SMUG1: variants seen among roughly 807,000 people sequenced by gnomAD.
SMUG1 encodes the protein single-strand-selective monofunctional uracil-DNA glycosylase 1, also known as single-strand selective monofunctional uracil DNA glycosylase.
A neutral mutation model predicts 23.9 loss-of-function variants in SMUG1; 13 were observed. The ratio of observed to expected loss-of-function variants is 0.54; its 90% CI spans 0.35 to 0.86. The LOEUF (loss-of-function observed/expected upper bound fraction) is 0.86. Among genes scored for constraint, SMUG1 ranks in the 40% least tolerant of loss-of-function variants. The probability of loss-of-function intolerance (pLI) is 0.01; values close to 1 mark genes in which losing one functional copy is unlikely to be tolerated. For synonymous variants in SMUG1, 133 were observed against 139.8 expected (o/e 0.95, Z 0.34); for missense variants, 313 against 339.5 (o/e 0.92, Z 0.61).
intron 2 of SMUG1, 21 bp from the exon 3 acceptor site, chr12:54,183,980 A>G: frequency 6.8e-7 from 1 of 1,465,260 alleles, no homozygotes; most frequent in Non-Finnish European, 9.0e-7. Flanking sequence ...AGATGGACAG[A>G]AGCCCCATCA....
chr12:54,178,503 T>C (rs1015411083), downstream of SMUG1, among the ~76,000 whole-genome samples: 1 of 152,116 alleles, frequency 6.6e-6, no homozygotes, highest in East Asian at 1.9e-4. Flanking sequence ...CTAGATGTCC[T>C]CCCTATAGAC....
intron 3 of SMUG1, 55 bp downstream of exon 3, chr12:54,183,601 C>G: frequency 6.3e-7 from 1 of 1,583,958 alleles, no homozygotes; most frequent in Non-Finnish European, 8.7e-7. Flanking sequence ...CACACCCAGC[C>G]AAGCATCCAC....
In SMUG1 at chr12:54,182,376, G is replaced by C. The variant is rs762184563; in HGVS notation, c.533C>G (p.Thr178Ser). ...LFLAPSGRNLTPAELPAKQRE... is the reference protein window; with the variant it reads ...LFLAPSGRNLSPAELPAKQRE... ...CTGCTTGGCAGGCAGCTCAGCAGGA[G>C]TAAGGTTGCGCCCGCTGGGAGCCAG... is the stretch of plus-strand genomic sequence containing the variant. The change falls in exon 4 of 4, where the codon ACT (threonine) becomes AGT (serine). Residue 178 changes from threonine to serine, a missense_variant. By Grantham distance (58) the Thr-to-Ser change is moderately conservative. Coordinates refer to ENST00000682136, the MANE Select transcript of SMUG1 (RefSeq NM_001243787.2). 6.2e-7 allele frequency: 1 copy of C among 1,614,218 alleles called. No homozygotes were observed. Among genetic ancestry groups the C allele is most frequent in the South Asian group, 1.1e-5 (1 of 91,084 alleles).
At chr12:54,160,559 A>G (rs1940217432), downstream of SMUG1, among the ~76,000 whole-genome samples, 1 of 152,102 alleles carries the variant, frequency 6.6e-6, no homozygotes, top group Non-Finnish European at 1.5e-5. Context: ...ACTTGCCAGG[A>G]GGGTCGTAGG....
chr12:54,161,855 C>T (rs1195150510), downstream of SMUG1, among the ~76,000 whole-genome samples: 3 of 152,184 alleles, frequency 2.0e-5, no homozygotes, highest in African/African-American at 7.2e-5. This position sits in a 1 kb window ranked among gnomAD's most constrained non-coding sequence, Gnocchi z 4.2. Context: ...TGTAATCTCC[C>T]AGGCGGAGGC....
chr12:54,170,528 G>A (rs890484753), intron 3 of SMUG1, among the ~76,000 whole-genome samples: 2 of 152,104 alleles, frequency 1.3e-5, no homozygotes, highest in African/African-American at 2.4e-5. Context: ...CAAGAGCCCC[G>A]CACCTCTTCC....
chr12:54,165,918 A>C lies in SMUG1; in HGVS notation c.*53-440T>G, dbSNP rs193001691. ...ACTGAGCACCTACTATTAGTCATGCATCAAAGACATGATCAACATTGAGGA... is the reference window on the plus strand; with the variant it reads ...ACTGAGCACCTACTATTAGTCATGCCTCAAAGACATGATCAACATTGAGGA... On this transcript the variant is annotated intron_variant and NMD_transcript_variant, in intron 3 of 4. Transcript: ENST00000509864. Among the ~76,000 whole-genome samples the C allele has an allele frequency of 4.8e-3, 733 of 152,360 alleles. 3 individuals are homozygous for C. The highest frequency in any genetic ancestry group is 0.01 in the Middle Eastern group (3 of 294).
At chr12:54,188,303 A>G (rs1943011204) in intron 1 of SMUG1, among the ~76,000 whole-genome samples, 3 of 122,388 alleles carry the variant, frequency 2.5e-5, no homozygotes, top group African/African-American at 6.9e-5. Context: ...ATAAATAATA[A>G]TAATAATAAT....
chr12:54,188,545 A>T (rs1447164116), intron 1 of SMUG1: 2 of 151,948 alleles, frequency 1.3e-5, no homozygotes, highest in Non-Finnish European at 2.9e-5. Context: ...AATCGCTTGA[A>T]CCCGGGAGGC....
At position 54,181,449 on chromosome 12, in the gene SMUG1, C is replaced by G; in HGVS notation, c.*647G>C. 1 of 1,049,150 alleles carries G rather than the reference C, an allele frequency of 9.5e-7. No individual in the cohort carries two copies. 65.0% of individuals were successfully genotyped at this position (1,049,150 alleles called of 1,614,324 possible). A position where few individuals can be genotyped will look rare whatever the true frequency, so the allele number is the denominator to read the frequency against. Reference sequence around the variant, plus strand: ...ACACCAACCCCATAAGGTAGGCATCCCTGTTTTACAGATGAGGAGCCTGAG... The same window carrying G: ...ACACCAACCCCATAAGGTAGGCATCGCTGTTTTACAGATGAGGAGCCTGAG... On this transcript the variant is annotated 3_prime_UTR_variant, in exon 4 of 4. Transcript: ENST00000682136.
chr12:54,179,275 A>G (rs781199565), downstream of SMUG1, among the ~76,000 whole-genome samples: 3 of 152,110 alleles, frequency 2.0e-5, no homozygotes, highest in East Asian at 3.9e-4. Flanking sequence ...TTTCATATAT[A>G]CATGTATCAT....
At chr12:54,180,086 C>T (rs888038229), downstream of SMUG1, among the ~76,000 whole-genome samples, 1 of 152,168 alleles carries the variant, frequency 6.6e-6, no homozygotes, top group Non-Finnish European at 1.5e-5. Context: ...ATCTCTAGCC[C>T]CTCTCCCCTC....
Position 54,182,480 on chromosome 12 carries a change from G to A in SMUG1, c.429C>T (p.Gly143=). The A allele has an allele frequency of 6.2e-7, 1 of 1,614,138 alleles. No individual in the cohort carries two copies. The highest frequency in any genetic ancestry group is 1.3e-5 in the African/African-American group (1 of 75,006). The change falls in exon 4 of 4, where the codon GGC becomes GGT. Residue 143 remains glycine, a synonymous_variant. Transcript: ENST00000682136. ...GCTGTCCACAGAGGTTCCGGAAAAA[G>A]CCCCAGAATCGGGCACCACTCACTT... The part of the protein sequence containing the change: ...QSEVSGARFW[G]FFRNLCGQPE...
chr12:54,172,934 C>T, intron 2 of SMUG1: 1 of 152,600 alleles, frequency 6.6e-6, no homozygotes, highest in Non-Finnish European at 1.5e-5. Context: ...GCCTTCCCCA[C>T]GGGCACACAG....
chr12:54,186,095 C>T (rs2136825345), intron 2 of SMUG1, among the ~76,000 whole-genome samples: 1 of 152,226 alleles, frequency 6.6e-6, no homozygotes, highest in South Asian at 2.1e-4. Flanking sequence ...TTCTACAGTC[C>T]AACCAAATAC....
chr12:54,169,448 C>T (rs1940561060), intron 3 of SMUG1, among the ~76,000 whole-genome samples: 1 of 151,314 alleles, frequency 6.6e-6, no homozygotes, highest in Non-Finnish European at 1.5e-5. Context: ...GGTTTGGGGC[C>T]TGAGCTACTA....
intron 2 of SMUG1, chr12:54,186,848 T>C (rs1261924515): frequency 6.6e-6 from 1 of 152,274 alleles, no homozygotes; most frequent in Non-Finnish European, 1.5e-5. Context: ...AACAAACACC[T>C]GCTCAGCAAT....
downstream of SMUG1, among the ~76,000 whole-genome samples, chr12:54,161,887 A>G (rs1592333130): frequency 6.6e-6 from 1 of 152,102 alleles, no homozygotes; most frequent in Admixed American, 6.5e-5. This position sits in a 1 kb window ranked among gnomAD's most constrained non-coding sequence, Gnocchi z 4.2. Flanking sequence ...GGGGAGGGGG[A>G]CAGGAAAGAT....
chr12:54,183,311 G>A, intron 3 of SMUG1: 1 of 442,034 alleles, frequency 2.3e-6, no homozygotes, highest in Non-Finnish European at 4.0e-6. Context: ...TCTCTTCTGA[G>A]GACCCAGCAG....
Sources: gnomAD v4.1 joint callset for allele counts (sites outside exome capture counted in the v4.1 genomes callset) on GRCh38, gnomAD v4.1.1 for gene constraint, Gnocchi (gnomAD v3.1) non-coding constraint, MANE v1.5 for transcripts, NCBI Gene and HGNC (gene_info 2026-07-23, HGNC 2026-07-21) for gene names.